Variants in SCN11A observed in about 807,000 individuals in gnomAD.
The protein encoded by SCN11A is sodium channel protein type 11 subunit alpha.
In SCN11A, 122 loss-of-function variants were observed where a neutral mutation model predicts 162.2. The ratio of observed to expected loss-of-function variants is 0.75; its 90% CI spans 0.65 to 0.87. The LOEUF (loss-of-function observed/expected upper bound fraction) is 0.87. SCN11A is among the 40% of genes least tolerant of loss of function. The pLI, the probability that SCN11A is intolerant of heterozygous loss-of-function variation, is 0.00. For missense variants in SCN11A, 2,015 were observed against 2,181.6 expected (o/e 0.92, Z 1.52); for synonymous variants, 758 against 751.5 (o/e 1.01, Z -0.14).
intron 2 of SCN11A, among the ~76,000 whole-genome samples, chr3:39,005,347 G>A (rs770343098): frequency 3.9e-5 from 6 of 152,154 alleles, no homozygotes; most frequent in Non-Finnish European, 7.4e-5. Flanking sequence ...TCAATACAGG[G>A]CTCTGAGCAA....
At chr3:38,936,759 A>G (rs1330604557) in intron 7 of SCN11A, among the ~76,000 whole-genome samples, 3 of 152,196 alleles carry the variant, frequency 2.0e-5, no homozygotes, top group African/African-American at 7.2e-5. Flanking sequence ...ATGCTCATGG[A>G]TAGGAAGAAT....
rs544656130 is a variant in SCN11A, at chr3:39,051,910, A to C, written c.-453T>G. ...CAGCAACTAACAGCACCGAGGAAAC[A>C]CAACAGCCTGTTTACCTTCAGCCCC... On this transcript the variant is annotated 5_prime_UTR_variant, in exon 1 of 30. Coordinates refer to ENST00000302328, the MANE Select transcript of SCN11A (RefSeq NM_001349253.2). The C allele has an allele frequency of 2.3e-6, 3 of 1,315,962 alleles. No homozygotes were observed. The highest frequency in any genetic ancestry group is 4.8e-5 in the East Asian group (2 of 41,516). The allele number at this position is 1,315,962 out of a possible 1,614,324, so 81.5% of individuals were successfully genotyped here.
At chr3:38,890,198 G>A (rs1483418140) in intron 19 of SCN11A, among the ~76,000 whole-genome samples, 1 of 152,174 alleles carries the variant, frequency 6.6e-6, no homozygotes, top group Non-Finnish European at 1.5e-5. Flanking sequence ...CTCTGGGGGT[G>A]GGGAGGATTA....
chr3:39,020,415 G>A (rs1227608247), intron 2 of SCN11A, among the ~76,000 whole-genome samples: 2 of 152,170 alleles, frequency 1.3e-5, no homozygotes, highest in Non-Finnish European at 2.9e-5. Flanking sequence ...CGACAGGACA[G>A]TTTCCCTCAA....
chr3:38,988,406 C>T (rs1020732781), intron 2 of SCN11A, among the ~76,000 whole-genome samples: 2 of 152,150 alleles, frequency 1.3e-5, no homozygotes, highest in African/African-American at 4.8e-5. Flanking sequence ...TCACAAGTCT[C>T]TGGGCTCCCC....
chr3:38,896,907 T>C lies in SCN11A; in HGVS notation c.2341A>G (p.Asn781Asp), dbSNP rs1208069740. 3.7e-6 allele frequency: 6 copies of C among 1,613,732 alleles called. No individual in the cohort carries two copies. The highest frequency in any genetic ancestry group is 5.1e-6 in the Non-Finnish European group (6 of 1,179,786). The part of the protein sequence containing the change: ...ENMWECMQEA[N>D]ASSSLCVIVF... ...ATAACACACAATGATGATGATGCAT[T>C]CGCTTCTTGCATACATTCCCACATA... The change falls in exon 18 of 30, where the codon AAT (asparagine) becomes GAT (aspartate). Residue 781 changes from asparagine (N) to aspartate (D), a missense_variant. Transcript: ENST00000302328.
At chr3:39,029,397 T>G (rs376110520) in intron 2 of SCN11A, among the ~76,000 whole-genome samples, 1 of 152,374 alleles carries the variant, frequency 6.6e-6, no homozygotes, top group Non-Finnish European at 1.5e-5. Context: ...CCTGTACATA[T>G]CTTTTGCCCA....
At chr3:38,916,458 T>C (rs2065962294) in intron 11 of SCN11A, among the ~76,000 whole-genome samples, 1 of 152,222 alleles carries the variant, frequency 6.6e-6, no homozygotes, top group African/African-American at 2.4e-5. Flanking sequence ...ACTCTATGCA[T>C]CCATTCTCTA....
At chr3:38,938,531 TATATATATATATATATATA>T (rs1417972875) in intron 7 of SCN11A, among the ~76,000 whole-genome samples, 8 of 19,694 alleles carry the variant, frequency 4.1e-4, no homozygotes, top group African/African-American at 1.4e-3. Flanking sequence ...TATATATATA[TATATATATATATATATATA>T]TTTTTTTTTT....
At position 38,909,150 on chromosome 3, in the gene SCN11A, C is replaced by T; in HGVS notation, c.1146G>A (p.Val382=). 1.9e-6 allele frequency: 3 copies of T among 1,614,088 alleles called. No individual in the cohort carries two copies. In the Admixed American group the frequency reaches 5.0e-5, roughly 27 times the overall value. The part of the protein sequence containing the change: ...TGLYSVFFFI[V]VIFLGSFYLI... The stretch of plus-strand genomic sequence containing the variant: ...GGTAGAAGGAGCCCAGGAAAATGAC[C>T]ACAATGAAGAAGAAGACTGAGTAGA... The change falls in exon 13 of 30, where the codon GTG becomes GTA. Residue 382 remains valine (V), a synonymous_variant. Transcript: ENST00000302328.
At chr3:38,863,759 A>G (rs987780624) in intron 27 of SCN11A, among the ~76,000 whole-genome samples, 1 of 152,126 alleles carries the variant, frequency 6.6e-6, no homozygotes, top group African/African-American at 2.4e-5. Flanking sequence ...GGGAAAAAAA[A>G]AAGTTCTAAC....
intron 6 of SCN11A, among the ~76,000 whole-genome samples, chr3:38,945,835 T>C (rs957695021): frequency 2.0e-5 from 3 of 152,232 alleles, no homozygotes; most frequent in Non-Finnish European, 4.4e-5. Flanking sequence ...GTGACTCAGC[T>C]GAGACCATAT....
chr3:38,902,306 G>C (rs891248812), intron 16 of SCN11A, among the ~76,000 whole-genome samples: 1 of 152,164 alleles, frequency 6.6e-6, no homozygotes, highest in African/African-American at 2.4e-5. Flanking sequence ...CTATGTGTTA[G>C]GTTTGTCAAG....
At chr3:39,047,426 AAAAGATAATACAGG>A (rs1211750113) in intron 1 of SCN11A, among the ~76,000 whole-genome samples, 3 of 152,144 alleles carry the variant, frequency 2.0e-5, no homozygotes, top group Non-Finnish European at 4.4e-5. Context: ...TGAAACTACT[AAAAGATAATACAGG>A]AGAAATGCTT....
At chr3:38,933,748 T>C (rs1349485001) in intron 7 of SCN11A, among the ~76,000 whole-genome samples, 3 of 152,160 alleles carry the variant, frequency 2.0e-5, no homozygotes, top group South Asian at 2.1e-4. Flanking sequence ...CTACGTCTGA[T>C]TGGTGTACCT....
chr3:38,968,830 T>C (rs1268023509), intron 2 of SCN11A, among the ~76,000 whole-genome samples: 1 of 152,234 alleles, frequency 6.6e-6, no homozygotes, highest in African/African-American at 2.4e-5. Context: ...TAACATCTAC[T>C]ACATAAAGTT....
rs867332254 is a variant in SCN11A at position 39,012,480 on chromosome 3, C to T, written c.-280+19900G>A. Among the ~76,000 whole-genome samples the T allele has an allele frequency of 4.3e-3, 596 of 138,996 alleles. 10 individuals carry two copies. Among genetic ancestry groups the T allele is most frequent in the African/African-American group, 0.015 (535 of 34,554 alleles). The allele number at this position is 138,996 out of a possible 152,430, so 91.2% of individuals were successfully genotyped here. A position where few individuals can be genotyped will look rare whatever the true frequency, so the allele number is the denominator to read the frequency against. On this transcript the variant is annotated intron_variant, in intron 2 of 29. Transcript: ENST00000302328. ...TTTCTTTCTTTCTCTCTCTCTTTCTCTCTTTCTTTTTTTTTTTTTTGACAG... is the reference window on the plus strand; with the variant it reads ...TTTCTTTCTTTCTCTCTCTCTTTCTTTCTTTCTTTTTTTTTTTTTTGACAG...
intron 29 of SCN11A, chr3:38,849,283 T>TTTGGTG (rs2064735249): frequency 6.7e-6 from 1 of 148,234 alleles, no homozygotes; most frequent in Non-Finnish European, 1.5e-5. Flanking sequence ...TTTTTTTTTT[T>TTTGGTG]GCTGCTGTCA....
chr3:39,025,126 C>T (rs1274505916), intron 2 of SCN11A, among the ~76,000 whole-genome samples: 4 of 152,048 alleles, frequency 2.6e-5, no homozygotes, highest in African/African-American at 9.7e-5. Context: ...TTCTAAGAGC[C>T]CCCCTTAACC....
Sources: gnomAD v4.1 joint callset for allele counts (sites outside exome capture counted in the v4.1 genomes callset) on GRCh38, gnomAD v4.1.1 for gene constraint, MANE v1.5 for transcripts, NCBI Gene and HGNC (gene_info 2026-07-23, HGNC 2026-07-21) for gene names.